Variants in NRG3 observed in about 807,000 individuals in gnomAD.
NRG3 encodes the protein neuregulin 3, also known as pro-neuregulin-3, membrane-bound isoform.
Under a neutral mutation model 66.9 loss-of-function variants are expected in NRG3, and 31 were observed. The observed-to-expected ratio is 0.46, with a 90% CI of 0.35 to 0.63. NRG3 has a LOEUF of 0.63. NRG3 is among the 20% of genes least tolerant of loss of function. NRG3 has a pLI of 0.00. For synonymous variants in NRG3, 393 were observed against 359.4 expected, an observed-to-expected ratio of 1.09 and a Z score of -1.06; for missense variants, 910 against 878.9, an observed-to-expected ratio of 1.04 and a Z score of -0.45.
At chr10:81,996,085 C>T (rs1254524940) in intron 1 of NRG3, among the ~76,000 whole-genome samples, 1 of 152,066 alleles carries the variant, frequency 6.6e-6, no homozygotes, top group East Asian at 1.9e-4. Context: ...AAAAAGAGGA[C>T]ATCTGTCTGA....
chr10:82,270,291 C>T (rs780816175), intron 1 of NRG3, among the ~76,000 whole-genome samples: 40 of 152,186 alleles, frequency 2.6e-4, no homozygotes, highest in Non-Finnish European at 5.4e-4. Context: ...GGAACTGTCA[C>T]TCTCTATCCC....
chr10:82,473,687 CCTCA>C (rs1188059287), intron 2 of NRG3, among the ~76,000 whole-genome samples: 31 of 152,158 alleles, frequency 2.0e-4, no homozygotes, highest in African/African-American at 5.5e-4. Context: ...GTGGCCCAGT[CCTCA>C]GCTCCCTTCG....
At chr10:82,378,759 C>T (rs547763782) in intron 2 of NRG3, among the ~76,000 whole-genome samples, 12 of 151,868 alleles carry the variant, frequency 7.9e-5, no homozygotes, top group East Asian at 2.0e-4. Context: ...TTTATAGAGA[C>T]GGGGTTTCAT....
In NRG3 at chr10:82,491,749, A is replaced by C. The variant is rs368450648; in HGVS notation, c.953+132881A>C. Among the ~76,000 whole-genome samples, 65 of 152,278 alleles carry C rather than the reference A, an allele frequency of 4.3e-4. 1 individual carries two copies. In the Middle Eastern group the frequency reaches 0.017, roughly 40 times the overall value. ...CATTTAATGGGGTTGGTCAGTGATC[A>C]ACTCCAGGCAAGACCCTGAATCAGC... On this transcript the variant is annotated intron_variant, in intron 2 of 8. Coordinates refer to ENST00000372141, the MANE Select transcript of NRG3 (RefSeq NM_001010848.4).
At chr10:82,107,440 C>T (rs1206731090) in intron 1 of NRG3, among the ~76,000 whole-genome samples, 1 of 152,136 alleles carries the variant, frequency 6.6e-6, no homozygotes, top group African/African-American at 2.4e-5. Flanking sequence ...GCGTAAATAG[C>T]ACATGTCACT....
At chr10:82,574,281 A>T (rs2045910883) in intron 2 of NRG3, among the ~76,000 whole-genome samples, 1 of 151,824 alleles carries the variant, frequency 6.6e-6, no homozygotes, top group Admixed American at 6.6e-5. Flanking sequence ...GAAATAAGCC[A>T]GGCATACAAA....
intron 4 of NRG3, among the ~76,000 whole-genome samples, chr10:82,946,622 A>G (rs1413897467): frequency 1.3e-5 from 2 of 152,184 alleles, no homozygotes; most frequent in Non-Finnish European, 2.9e-5. Flanking sequence ...ACAGAAAAAA[A>G]GGAGAGTGGT....
At chr10:82,115,095 C>T (rs980331854) in intron 1 of NRG3, among the ~76,000 whole-genome samples, 1 of 152,098 alleles carries the variant, frequency 6.6e-6, no homozygotes, top group African/African-American at 2.4e-5. Flanking sequence ...ACATCACTTG[C>T]TGCCTACATG....
chr10:82,465,141 C>T lies in NRG3; in HGVS notation c.953+106273C>T, dbSNP rs189797534. 3.1e-4 allele frequency among the ~76,000 whole-genome samples: 47 copies of T among 152,264 alleles called. No individual in the cohort carries two copies. The East Asian group carries it at 6.2e-3, about 20-fold the overall frequency. Reference sequence around the variant, plus strand: ...CACACCAGAGTGGCTGCAAGGCTAACGATAATGGGGCTATTAACTAAATAA... The same window carrying T: ...CACACCAGAGTGGCTGCAAGGCTAATGATAATGGGGCTATTAACTAAATAA... On this transcript the variant is annotated intron_variant, in intron 2 of 8. Transcript: ENST00000372141.
At chr10:82,936,264 CAGCAA>C (rs1477520055) in intron 4 of NRG3, among the ~76,000 whole-genome samples, 2 of 152,144 alleles carry the variant, frequency 1.3e-5, no homozygotes, top group African/African-American at 4.8e-5. Context: ...AGATGTGGTT[CAGCAA>C]GACCATGTGC....
intron 1 of NRG3, among the ~76,000 whole-genome samples, chr10:81,999,080 GGCGTGAGCCACGGT>G (rs1451492161): frequency 1.3e-5 from 2 of 152,218 alleles, no homozygotes; most frequent in Admixed American, 1.3e-4. Context: ...TGGGTTTATA[GGCGTGAGCCACGGT>G]GCCTGGGCGG....
intron 4 of NRG3, among the ~76,000 whole-genome samples, chr10:82,884,159 TG>T (rs541178891): frequency 5.9e-5 from 9 of 151,784 alleles, no homozygotes; most frequent in Non-Finnish European, 1.2e-4. Context: ...AAATTTCCCT[TG>T]GGGGGAAAAA....
At chr10:82,851,252 C>T (rs9804192) in intron 3 of NRG3, among the ~76,000 whole-genome samples, 41,644 of 151,926 alleles carry the variant, frequency 0.27, 6,261 homozygotes, top group East Asian at 0.52. Flanking sequence ...GGATTTGCAT[C>T]AAACTTTGGG....
chr10:82,582,664 G>T (rs879374657), intron 2 of NRG3, among the ~76,000 whole-genome samples: 2 of 103,854 alleles, frequency 1.9e-5, no homozygotes, highest in Non-Finnish European at 1.7e-5. Context: ...TATATGTGTT[G>T]TGTGTGTGTG....
chr10:82,144,288 G>C (rs574501732), intron 1 of NRG3, among the ~76,000 whole-genome samples: 25 of 152,196 alleles, frequency 1.6e-4, no homozygotes, highest in South Asian at 1.4e-3. Context: ...GTTTCTCCCT[G>C]GGACCACATC....
At chr10:82,312,913 A>G (rs2081106502) in intron 1 of NRG3, among the ~76,000 whole-genome samples, 1 of 152,204 alleles carries the variant, frequency 6.6e-6, no homozygotes, top group African/African-American at 2.4e-5. Flanking sequence ...ACGGTGGCTC[A>G]TGCCTGTAAT....
chr10:82,360,937 C>A lies in NRG3; in HGVS notation c.953+2069C>A, dbSNP rs141698484. On this transcript the variant is annotated intron_variant, in intron 2 of 8. Transcript: ENST00000372141. Reference sequence around the variant, plus strand: ...CTGTAGGTGTGTGTGTTCCAAATTTCCTCTAAGGACATCAGCCATATTAGA... The same window carrying A: ...CTGTAGGTGTGTGTGTTCCAAATTTACTCTAAGGACATCAGCCATATTAGA... Among the ~76,000 whole-genome samples, 1,038 of 152,234 alleles carry A rather than the reference C, an allele frequency of 6.8e-3. 9 individuals are homozygous for A. The highest frequency in any genetic ancestry group is 0.024 in the African/African-American group (981 of 41,518).
intron 6 of NRG3, among the ~76,000 whole-genome samples, chr10:82,959,405 G>A (rs1592095348): frequency 6.6e-6 from 1 of 152,116 alleles, no homozygotes; most frequent in South Asian, 2.1e-4. Flanking sequence ...AGGATACAAT[G>A]TCCCTTGCCA....
chr10:82,326,434 A>G (rs1405813162), intron 1 of NRG3, among the ~76,000 whole-genome samples: 1 of 151,868 alleles, frequency 6.6e-6, no homozygotes, highest in Non-Finnish European at 1.5e-5. Context: ...TCTCAACTCT[A>G]TGGGTTTATA....
Sources: allele counts gnomAD v4.1 joint callset (sites outside exome capture counted in the v4.1 genomes callset), GRCh38; gene constraint gnomAD v4.1.1; transcripts MANE v1.5; gene names NCBI Gene and HGNC (gene_info 2026-07-23, HGNC 2026-07-21).